Variants in ATM observed in about 807,000 individuals in gnomAD.
ATM encodes serine-protein kinase ATM.
In ATM, 308 loss-of-function variants were observed where a neutral mutation model predicts 387.0. The ratio of observed to expected loss-of-function variants is 0.80; its 90% CI spans 0.73 to 0.87. The LOEUF (loss-of-function observed/expected upper bound fraction) is 0.87, where lower values mean the gene tolerates loss of function less well. ATM is among the 40% of genes least tolerant of loss of function. The pLI is 0.00. For missense variants in ATM, 3,312 were observed against 3,560.9 expected, an observed-to-expected ratio of 0.93 and a Z score of 1.78; for synonymous variants, 1,156 against 1,187.3, an observed-to-expected ratio of 0.97 and a Z score of 0.54.
At chr11:108,364,086 C>CA (rs1258856016) in intron 61 of ATM, among the ~76,000 whole-genome samples, 17 of 152,076 alleles carry the variant, frequency 1.1e-4, no homozygotes, top group Admixed American at 1.1e-3. Flanking sequence ...GGAGGACACT[C>CA]AAAACAGCAT....
intron 40 of ATM, among the ~76,000 whole-genome samples, chr11:108,313,026 C>T (rs1050378342): frequency 1.3e-5 from 2 of 152,186 alleles, no homozygotes; most frequent in Non-Finnish European, 1.5e-5. Context: ...CTGCTTTCAG[C>T]CTGCCTCCTA....
At chr11:108,285,450 C>G (rs2082443814) in intron 26 of ATM, among the ~76,000 whole-genome samples, 1 of 151,612 alleles carries the variant, frequency 6.6e-6, no homozygotes, top group South Asian at 2.1e-4. Flanking sequence ...ATATACATTT[C>G]CAAAATTTTT....
Position 108,325,352 on chromosome 11 carries a change from G to A in ATM, c.6615G>A (p.Trp2205Ter), listed in dbSNP as rs1555119041. ...AACTCTCTGAAGTATATATTAAGTG[G>A]CAGAAACACTCCCAGCTTCTCAAGG... is the stretch of plus-strand genomic sequence containing the variant. ...HRQLSEVYIKWQKHSQLLKDS... is the reference protein window; with the variant it reads ...HRQLSEVYIK The change falls in exon 46 of 63, where the codon TGG becomes TGA. Residue 2205 changes from tryptophan to a stop codon, truncating the protein, a stop_gained. Transcript: ENST00000675843. LOFTEE classifies it high-confidence loss of function. 6.2e-7 allele frequency: 1 copy of A among 1,612,050 alleles called. No homozygotes were observed. The highest frequency in any genetic ancestry group is 8.5e-7 in the Non-Finnish European group (1 of 1,179,528).
chr11:108,273,026 C>G (rs1368133758), intron 22 of ATM, among the ~76,000 whole-genome samples, 174 bp downstream of exon 22: 5 of 152,064 alleles, frequency 3.3e-5, no homozygotes, highest in Non-Finnish European at 1.5e-5. Flanking sequence ...CACTTAGATT[C>G]TATTATTTCC....
chr11:108,348,300 GAA>G (rs1430440370), intron 59 of ATM, among the ~76,000 whole-genome samples: 1 of 151,086 alleles, frequency 6.6e-6, no homozygotes, highest in Admixed American at 6.6e-5. Flanking sequence ...TAAATAATAA[GAA>G]AGTGATGAAT....
At chr11:108,345,670 T>A in intron 57 of ATM, 73 bp from the exon 58 acceptor site, 3 of 1,235,020 alleles carry the variant, frequency 2.4e-6, no homozygotes, top group Non-Finnish European at 3.4e-6. Context: ...GTCATATTTT[T>A]ATATAAAAAT....
rs764506673 is a variant in ATM at position 108,325,294 on chromosome 11, A to G, written c.6573-16A>G. Reference sequence around the variant, plus strand: ...CATTTCTCTTGCTTACATGAACTCTATGTCGTGGCATTCAGATCAGTCACA... The same window carrying G: ...CATTTCTCTTGCTTACATGAACTCTGTGTCGTGGCATTCAGATCAGTCACA... On this transcript the variant is annotated splice_polypyrimidine_tract_variant and intron_variant, in intron 45 of 62. Transcript: ENST00000675843. 2.3e-5 allele frequency: 28 copies of G among 1,200,542 alleles called. No individual in the cohort carries two copies. The highest frequency in any genetic ancestry group is 2.3e-4 in the Admixed American group (12 of 52,446). 74.4% of individuals were successfully genotyped at this position (1,200,542 alleles called of 1,614,324 possible).
chr11:108,231,463 AG>A (rs932125818), intron 4 of ATM: 2 of 152,160 alleles, frequency 1.3e-5, no homozygotes, highest in Admixed American at 6.6e-5. Flanking sequence ...TGGGAAGCTG[AG>A]GCGGGCAGAT....
At chr11:108,332,470 A>G (rs77851219) in intron 52 of ATM, among the ~76,000 whole-genome samples, 1 of 151,950 alleles carries the variant, frequency 6.6e-6, no homozygotes, top group African/African-American at 2.4e-5. Context: ...AATTGGTTCA[A>G]AATTCCTTAA....
At chr11:108,363,792 G>T (rs552761748) in intron 61 of ATM, among the ~76,000 whole-genome samples, 1 of 152,076 alleles carries the variant, frequency 6.6e-6, no homozygotes, top group South Asian at 2.1e-4. Flanking sequence ...TCTAATATTT[G>T]CAAGTATGAT....
chr11:108,283,475 T>C (rs903041037), intron 25 of ATM, among the ~76,000 whole-genome samples: 3 of 152,250 alleles, frequency 2.0e-5, no homozygotes, highest in African/African-American at 7.2e-5. Context: ...CTCTGTGTTA[T>C]GGACTTTGCT....
At chr11:108,290,805 A>T (rs2082747081) in intron 29 of ATM, 1 of 151,452 alleles carries the variant, frequency 6.6e-6, no homozygotes, top group African/African-American at 2.4e-5. Context: ...CCTGGGCAAC[A>T]GAGTGAGACT....
intron 1 of ATM, chr11:108,225,876 CT>C (rs2078712719): frequency 6.6e-6 from 1 of 152,150 alleles, no homozygotes; most frequent in African/African-American, 2.4e-5. Context: ...CTTTTAGTTC[CT>C]CCCAATTTTG....
In ATM at chr11:108,307,927, A is replaced by T. The variant is rs1565486057; in HGVS notation, c.5705A>T (p.Asp1902Val). ...GAGCACTTTTTCCGATGCTGTTTGG[A>T]TAAAAAATCACAAAGAACAATGCTT... ...ESEHFFRCCL[D>V]KKSQRTMLAV... Residue 1902 changes from aspartate to valine, a missense_variant, in exon 38 of 63, where the codon GAT becomes GTT. Asp to Val is a radical substitution (Grantham distance 152). Around this residue, in one of 4 missense-constraint regions of ATM, gnomAD observed 1,405 missense variants for 1,604.4 expected, o/e 0.88. Coordinates refer to ENST00000675843, the MANE Select transcript of ATM (RefSeq NM_000051.4). 1.2e-6 allele frequency: 2 copies of T among 1,613,922 alleles called. No homozygotes were observed. The highest frequency in any genetic ancestry group is 1.1e-5 in the South Asian group (1 of 91,084).
rs200346063 is a variant in ATM at position 108,307,142 on chromosome 11, CTTTTTTT to C, written c.5675-749_5675-743del. Among the ~76,000 whole-genome samples the C allele has an allele frequency of 3.5e-5, 5 of 142,488 alleles. No homozygotes were observed. The East Asian group carries it at 6.1e-4, about 18-fold the overall frequency. The allele number at this position is 142,488 out of a possible 152,430, so 93.5% of individuals were successfully genotyped here. The stretch of plus-strand genomic sequence containing the variant: ...TTTCAGATATCACTTTTTCTTTTTT[CTTTTTTT>C]TTTTTCTTTTTTTCTCTTGAGACAG... On this transcript the variant is annotated intron_variant, in intron 37 of 62. Coordinates refer to ENST00000675843, the MANE Select transcript of ATM (RefSeq NM_000051.4).
At chr11:108,311,826 G>A (rs2136048834) in intron 39 of ATM, among the ~76,000 whole-genome samples, 1 of 152,228 alleles carries the variant, frequency 6.6e-6, no homozygotes, top group East Asian at 1.9e-4. Flanking sequence ...AGCTGTCATG[G>A]TTTTAGAATT....
Position 108,367,935 on chromosome 11 carries a change from G to A in ATM, c.*2427G>A, listed in dbSNP as rs1361553634. On this transcript the variant is annotated 3_prime_UTR_variant, in exon 63 of 63. Transcript: ENST00000675843. ...TGCAGTAAACTTAAAATGTCTTTAA[G>A]AAAGCCCTGAAATCTTCATGGGTGA... 9.7e-6 allele frequency: 2 copies of A among 205,386 alleles called. No individual in the cohort carries two copies. Among genetic ancestry groups the A allele is most frequent in the Non-Finnish European group, 2.0e-5 (2 of 100,240 alleles). The allele number at this position is 205,386 out of a possible 1,614,324, so 12.7% of individuals were successfully genotyped here.
In ATM at chr11:108,268,717, G is replaced by A; in HGVS notation, c.2838+108G>A. ...ATGGTGTCTTTGAAGAATTGAAATT[G>A]CTTTCTTGAGAAATGAACCTGAGAC... is the stretch of plus-strand genomic sequence containing the variant. On this transcript the variant is annotated intron_variant, in intron 18 of 62. Coordinates refer to ENST00000675843, the MANE Select transcript of ATM (RefSeq NM_000051.4). 2 of 1,267,312 alleles carry A rather than the reference G, an allele frequency of 1.6e-6. 1 individual carries two copies. The highest frequency in any genetic ancestry group is 4.8e-5 in the East Asian group (2 of 41,918). The allele number at this position is 1,267,312 out of a possible 1,614,324, so 78.5% of individuals were successfully genotyped here.
chr11:108,270,864 T>G (rs2081536380), intron 18 of ATM, among the ~76,000 whole-genome samples, 200 bp from the exon 19 acceptor site: 1 of 151,934 alleles, frequency 6.6e-6, no homozygotes, highest in African/African-American at 2.4e-5. Flanking sequence ...CCTGGCTAAT[T>G]TTTGTGTTTT....
Sources: gnomAD v4.1 joint callset for allele counts (sites outside exome capture counted in the v4.1 genomes callset) on GRCh38, gnomAD v4.1.1 for gene constraint, gnomAD v4.1.1 regional missense constraint, MANE v1.5 for transcripts, NCBI Gene and HGNC (gene_info 2026-07-23, HGNC 2026-07-21) for gene names.